Variants in PTPRD observed in about 807,000 individuals in gnomAD.
The protein encoded by PTPRD is receptor-type tyrosine-protein phosphatase delta.
Under a neutral mutation model 214.5 loss-of-function variants are expected in PTPRD, and 34 were observed. The observed-to-expected ratio is 0.16, with a 90% CI of 0.12 to 0.21. The LOEUF (loss-of-function observed/expected upper bound fraction) is 0.21, where lower values mean the gene tolerates loss of function less well. Among genes scored for constraint, PTPRD ranks in the 10% least tolerant of loss-of-function variants. The pLI is 1.00. For missense variants in PTPRD, 2,545 were observed against 2,398.7 expected (o/e 1.06, Z -1.27); for synonymous variants, 1,128 against 845.7 (o/e 1.33, Z -5.79).
At chr9:10,578,860 G>A (rs571939117) in intron 2 of PTPRD, among the ~76,000 whole-genome samples, 3 of 152,022 alleles carry the variant, frequency 2.0e-5, no homozygotes, top group African/African-American at 7.2e-5. Flanking sequence ...CCCAATAGTC[G>A]TGTTTTGTTT....
At chr9:9,685,105 A>G (rs1256767786) in intron 7 of PTPRD, among the ~76,000 whole-genome samples, 2 of 151,508 alleles carry the variant, frequency 1.3e-5, no homozygotes, top group Non-Finnish European at 3.0e-5. Flanking sequence ...GTATAAATTT[A>G]GGTGTGTAAT....
rs557278219 is a variant in PTPRD at position 8,719,639 on chromosome 9, T to C, written c.64+14141A>G. On this transcript the variant is annotated intron_variant, in intron 12 of 45. Coordinates refer to ENST00000381196, the MANE Select transcript of PTPRD (RefSeq NM_002839.4). ...GGAATACTGTTTTACCCATTTATTT[T>C]GTATTGGCTGTGGCTACTTTCTTGT... Among the ~76,000 whole-genome samples, 6 of 152,344 alleles carry C rather than the reference T, an allele frequency of 3.9e-5. No homozygotes were observed. In the South Asian group the frequency reaches 1.2e-3, roughly 32 times the overall value.
At chr9:8,625,114 T>C (rs780228840) in intron 14 of PTPRD, among the ~76,000 whole-genome samples, 31 of 151,748 alleles carry the variant, frequency 2.0e-4, no homozygotes, top group Non-Finnish European at 3.2e-4. Flanking sequence ...GTATACAGGA[T>C]AAAAGTCTCA....
intron 3 of PTPRD, among the ~76,000 whole-genome samples, chr9:10,190,718 CAAAAAA>C (rs57891244): frequency 9.0e-5 from 4 of 44,214 alleles, no homozygotes; most frequent in Admixed American, 2.9e-4. Flanking sequence ...AACTCTGTCT[CAAAAAA>C]AAAAAAAAAA....
intron 10 of PTPRD, among the ~76,000 whole-genome samples, chr9:9,084,488 C>A (rs2099764102): frequency 6.6e-6 from 1 of 152,090 alleles, no homozygotes; most frequent in Non-Finnish European, 1.5e-5. Context: ...ACCACCAGGG[C>A]ATGTGTATAC....
intron 4 of PTPRD, among the ~76,000 whole-genome samples, chr9:9,997,011 C>T (rs2096145431): frequency 6.6e-6 from 1 of 152,114 alleles, no homozygotes. Flanking sequence ...TTTGAAGAAG[C>T]CCAGGCATTG....
intron 11 of PTPRD, among the ~76,000 whole-genome samples, chr9:8,980,433 C>T (rs2099305064): frequency 6.6e-6 from 1 of 152,002 alleles, no homozygotes; most frequent in Non-Finnish European, 1.5e-5. Context: ...ATATGTTAAT[C>T]TGCTTCACTA....
chr9:9,517,309 A>T (rs1407350554), intron 8 of PTPRD, among the ~76,000 whole-genome samples: 2 of 152,210 alleles, frequency 1.3e-5, no homozygotes, highest in East Asian at 1.9e-4. Context: ...GGGTAGGGAG[A>T]CGCCCTGGAA....
At chr9:10,457,738 C>T (rs1050565918) in intron 2 of PTPRD, among the ~76,000 whole-genome samples, 3 of 152,002 alleles carry the variant, frequency 2.0e-5, no homozygotes, top group Non-Finnish European at 4.4e-5. Flanking sequence ...TTTATTACTA[C>T]CAAAACACAC....
intron 10 of PTPRD, among the ~76,000 whole-genome samples, chr9:9,043,215 G>C (rs2099648514): frequency 2.0e-5 from 3 of 152,038 alleles, no homozygotes; most frequent in Non-Finnish European, 2.9e-5. Context: ...ATCATTCTGT[G>C]TTGTTGGAAA....
chr9:10,098,779 T>C (rs1340348888), intron 3 of PTPRD, among the ~76,000 whole-genome samples: 1 of 151,772 alleles, frequency 6.6e-6, no homozygotes, highest in Non-Finnish European at 1.5e-5. Flanking sequence ...AAACTGCACA[T>C]AAAACCAGTT....
At chr9:10,211,995 G>T (rs1032830686) in intron 3 of PTPRD, among the ~76,000 whole-genome samples, 2 of 152,076 alleles carry the variant, frequency 1.3e-5, no homozygotes, top group African/African-American at 4.8e-5. Context: ...TTGTCCATAC[G>T]ATTGAATGTT....
intron 4 of PTPRD, among the ~76,000 whole-genome samples, chr9:9,957,596 AAAAAC>A (rs1398124274): frequency 6.6e-6 from 1 of 152,264 alleles, no homozygotes; most frequent in African/African-American, 2.4e-5. Flanking sequence ...CCACCATAGC[AAAAAC>A]AAAACAACAA....
intron 4 of PTPRD, among the ~76,000 whole-genome samples, chr9:9,971,409 G>T (rs143558286): frequency 7.2e-5 from 11 of 152,186 alleles, no homozygotes; most frequent in African/African-American, 2.4e-4. Context: ...TCATTTTGAA[G>T]GTAGAAGATT....
At chr9:8,659,634 C>G (rs1395204931) in intron 12 of PTPRD, among the ~76,000 whole-genome samples, 2 of 151,984 alleles carry the variant, frequency 1.3e-5, no homozygotes, top group Non-Finnish European at 2.9e-5. Context: ...GGTCTTGGAC[C>G]AAGAAGAGGG....
At chr9:8,782,103 ACCATAAT>A (rs2095732675) in intron 11 of PTPRD, among the ~76,000 whole-genome samples, 3 of 22,934 alleles carry the variant, frequency 1.3e-4, no homozygotes, top group Non-Finnish European at 3.3e-4. Context: ...TATAAAACAT[ACCATAAT>A]GTTTATGGTA....
chr9:9,704,250 CTTT>C lies in PTPRD; in HGVS notation c.-287+30280_-287+30282del, dbSNP rs1217739483. Among the ~76,000 whole-genome samples the C allele has an allele frequency of 4.6e-5, 7 of 151,856 alleles. No homozygotes were observed. In the East Asian group the frequency reaches 1.4e-3, roughly 29 times the overall value. ...GATATTGCCATCAAATCGCATTCTT[CTTT>C]TTTCTTTTTTTTTGTCACCAGCATT... On this transcript the variant is annotated intron_variant, in intron 7 of 45. Transcript: ENST00000381196.
intron 3 of PTPRD, among the ~76,000 whole-genome samples, chr9:10,130,968 AAG>A (rs1483027780): frequency 2.0e-5 from 3 of 152,140 alleles, no homozygotes; most frequent in African/African-American, 7.2e-5. Flanking sequence ...AAAGAAAGGA[AAG>A]AATAGATCCC....
intron 3 of PTPRD, among the ~76,000 whole-genome samples, chr9:10,102,150 T>G (rs552377075): frequency 1.3e-5 from 2 of 151,720 alleles, no homozygotes; most frequent in African/African-American, 2.4e-5. Context: ...TCCCCCACAT[T>G]GATTACATGA....
Sources: allele counts gnomAD v4.1 joint callset (sites outside exome capture counted in the v4.1 genomes callset), GRCh38; gene constraint gnomAD v4.1.1; transcripts MANE v1.5; gene names NCBI Gene and HGNC (gene_info 2026-07-23, HGNC 2026-07-21).